OPCML: variants seen among roughly 807,000 people sequenced by gnomAD.
OPCML encodes opioid-binding protein/cell adhesion molecule.
Under a neutral mutation model 37.8 loss-of-function variants are expected in OPCML, and 13 were observed. The observed-to-expected ratio is 0.34, with a 90% confidence interval of 0.22 to 0.55. The LOEUF is 0.55. Among genes scored for constraint, OPCML ranks in the 20% least tolerant of loss-of-function variants. OPCML has a pLI of 0.91. For synonymous variants in OPCML, 176 were observed against 168.8 expected, an observed-to-expected ratio of 1.04 and a Z score of -0.33; for missense variants, 341 against 435.6, an observed-to-expected ratio of 0.78 and a Z score of 1.93.
chr11:133,129,299 G>A (rs767973108), intron 1 of OPCML, among the ~76,000 whole-genome samples: 29 of 152,150 alleles, frequency 1.9e-4, no homozygotes, highest in Non-Finnish European at 2.8e-4. Context: ...CAAGGCAGGG[G>A]AGAGGGTTAG....
intron 2 of OPCML, among the ~76,000 whole-genome samples, chr11:132,871,522 G>A (rs900514131): frequency 2.0e-5 from 3 of 152,208 alleles, no homozygotes; most frequent in African/African-American, 2.4e-5. Context: ...TTATAAGAGA[G>A]ACTTGAGCAT....
chr11:132,528,449 G>A (rs1052200691), intron 4 of OPCML, among the ~76,000 whole-genome samples: 4 of 152,168 alleles, frequency 2.6e-5, no homozygotes, highest in Non-Finnish European at 1.5e-5. Context: ...ATTTCCAAGA[G>A]GGCAAGCCCC....
At chr11:133,009,743 C>T (rs889258330) in intron 1 of OPCML, among the ~76,000 whole-genome samples, 1 of 152,148 alleles carries the variant, frequency 6.6e-6, no homozygotes, top group Admixed American at 6.5e-5. Flanking sequence ...GGTTTGTGCT[C>T]CTATGAGAAT....
intron 1 of OPCML, among the ~76,000 whole-genome samples, chr11:133,140,606 AAG>A (rs1294627052): frequency 5.4e-5 from 8 of 148,066 alleles, no homozygotes; most frequent in East Asian, 2.0e-4. Flanking sequence ...AGAAAGAAGA[AAG>A]AGAAGAAGAG....
chr11:132,906,434 C>T (rs1944243192), intron 2 of OPCML, among the ~76,000 whole-genome samples: 1 of 152,198 alleles, frequency 6.6e-6, no homozygotes, highest in South Asian at 2.1e-4. Flanking sequence ...AAAAGCCTCC[C>T]TCAGTGTGTG....
chr11:133,195,367 G>A (rs1938496548), intron 1 of OPCML, among the ~76,000 whole-genome samples: 1 of 152,172 alleles, frequency 6.6e-6, no homozygotes, highest in African/African-American at 2.4e-5. Flanking sequence ...AGTAAAAACA[G>A]CACCCGTGAG....
intron 2 of OPCML, among the ~76,000 whole-genome samples, chr11:132,843,251 T>G (rs1429589677): frequency 1.3e-5 from 2 of 152,004 alleles, no homozygotes; most frequent in African/African-American, 4.8e-5. Flanking sequence ...TGTGCCACCA[T>G]GCCCAGTTAA....
chr11:132,558,154 C>T (rs1441514590), intron 3 of OPCML, among the ~76,000 whole-genome samples: 1 of 152,014 alleles, frequency 6.6e-6, no homozygotes, highest in Non-Finnish European at 1.5e-5. Context: ...CTCTTCATAC[C>T]CAGCTTCAGT....
At chr11:132,916,884 C>T (rs1450006576) in intron 2 of OPCML, among the ~76,000 whole-genome samples, 4 of 152,156 alleles carry the variant, frequency 2.6e-5, no homozygotes, top group Admixed American at 1.3e-4. Context: ...CACATTAGAC[C>T]TTTCTACTAA....
At chr11:132,784,139 C>T (rs957734564) in intron 2 of OPCML, among the ~76,000 whole-genome samples, 9 of 152,146 alleles carry the variant, frequency 5.9e-5, no homozygotes, top group Non-Finnish European at 1.0e-4. Flanking sequence ...CCCAGCTATC[C>T]ACAGTAACAA....
At chr11:132,858,081 A>G (rs1235467291) in intron 2 of OPCML, among the ~76,000 whole-genome samples, 1 of 152,216 alleles carries the variant, frequency 6.6e-6, no homozygotes, top group Non-Finnish European at 1.5e-5. Flanking sequence ...TGGCACATAC[A>G]TGCACACATG....
rs372727560 is a variant in OPCML, at chr11:133,218,998, G to A, written c.62-275988C>T. Among the ~76,000 whole-genome samples the A allele has an allele frequency of 3.5e-4, 54 of 152,248 alleles. 1 individual carries two copies. Among genetic ancestry groups the A allele is most frequent in the African/African-American group, 9.4e-4 (39 of 41,540 alleles). ...TGCTTGCTTTTATTTTGATACCTTA[G>A]CATATTGCCTTAAAGTAAGATTAAG... is the stretch of plus-strand genomic sequence containing the variant. On this transcript the variant is annotated intron_variant, in intron 1 of 7. Transcript: ENST00000524381.
chr11:133,058,319 T>TAGCA (rs1275218460), intron 1 of OPCML, among the ~76,000 whole-genome samples: 2 of 151,928 alleles, frequency 1.3e-5, no homozygotes, highest in African/African-American at 4.8e-5. Context: ...AGAAAGAAAG[T>TAGCA]AGCAAAAGGA....
chr11:133,146,968 T>C (rs1220013552), intron 1 of OPCML, among the ~76,000 whole-genome samples: 1 of 152,214 alleles, frequency 6.6e-6, no homozygotes, highest in Non-Finnish European at 1.5e-5. Context: ...CCGTGGTGCC[T>C]TCCCCTGCAA....
chr11:133,089,697 T>C (rs567753297), intron 1 of OPCML, among the ~76,000 whole-genome samples: 105 of 151,654 alleles, frequency 6.9e-4, no homozygotes, highest in Admixed American at 1.9e-3. Context: ...TACAGAAAAA[T>C]GGGATACATT....
At chr11:132,595,076 T>A (rs2137732541) in intron 3 of OPCML, among the ~76,000 whole-genome samples, 1 of 152,308 alleles carries the variant, frequency 6.6e-6, no homozygotes, top group African/African-American at 2.4e-5. Context: ...GTTCTGTCTC[T>A]CAGTGAATTT....
intron 4 of OPCML, among the ~76,000 whole-genome samples, chr11:132,447,592 G>T (rs912283734): frequency 6.6e-6 from 1 of 152,004 alleles, no homozygotes; most frequent in Non-Finnish European, 1.5e-5. Flanking sequence ...TTACAGGCGT[G>T]AGCCACCATA....
At chr11:133,288,086 T>C (rs1379918438) in intron 1 of OPCML, among the ~76,000 whole-genome samples, 1 of 152,228 alleles carries the variant, frequency 6.6e-6, no homozygotes, top group African/African-American at 2.4e-5. Context: ...AGCATCTTAT[T>C]GTGTGTCCAT....
At chr11:133,373,371 TG>T (rs1271394769) in intron 1 of OPCML, among the ~76,000 whole-genome samples, 3 of 149,584 alleles carry the variant, frequency 2.0e-5, no homozygotes, top group African/African-American at 7.4e-5. Flanking sequence ...GAGACCAGCC[TG>T]GGCAATGCGG....
Sources: allele counts gnomAD v4.1 joint callset (sites outside exome capture counted in the v4.1 genomes callset), GRCh38; gene constraint gnomAD v4.1.1; transcripts MANE v1.5; gene names NCBI Gene and HGNC (gene_info 2026-07-23, HGNC 2026-07-21).